Variants in FOXP2 observed in about 807,000 individuals in gnomAD.
The protein encoded by FOXP2 is forkhead box P2.
A neutral mutation model predicts 115.8 loss-of-function variants in FOXP2; 12 were observed. That is an observed-to-expected ratio of 0.10 (90% CI 0.07 to 0.17). The LOEUF is 0.17. Among genes scored for constraint, FOXP2 ranks in the 10% least tolerant of loss-of-function variants. FOXP2 has a pLI of 1.00. For synonymous variants in FOXP2, 328 were observed against 297.7 expected (o/e 1.10, Z -1.05); for missense variants, 629 against 843.5 (o/e 0.75, Z 3.15).
intron 2 of FOXP2, among the ~76,000 whole-genome samples, chr7:114,503,216 T>A (rs1324748881): frequency 3.3e-5 from 5 of 151,912 alleles, no homozygotes; most frequent in Admixed American, 2.6e-4. Context: ...TTTCAATCAT[T>A]TTTTTGGTTC....
intron 1 of FOXP2, among the ~76,000 whole-genome samples, chr7:114,270,202 G>C (rs774291946): frequency 3.3e-5 from 5 of 152,072 alleles, no homozygotes; most frequent in Non-Finnish European, 7.4e-5. Context: ...ATATTTTGCA[G>C]TTTATTTATC....
At chr7:114,671,553 CT>C (rs1484035381) in intron 16 of FOXP2, among the ~76,000 whole-genome samples, 2 of 152,152 alleles carry the variant, frequency 1.3e-5, no homozygotes, top group East Asian at 3.8e-4. Flanking sequence ...GAACATACAA[CT>C]TCATTTGCAC....
At chr7:114,643,880 A>G (rs1805724265) in intron 7 of FOXP2, among the ~76,000 whole-genome samples, 1 of 152,196 alleles carries the variant, frequency 6.6e-6, no homozygotes, top group African/African-American at 2.4e-5. Context: ...TTGCCATAAC[A>G]AATTCTTTGT....
intron 1 of FOXP2, among the ~76,000 whole-genome samples, chr7:114,097,143 T>C (rs1339987734): frequency 6.6e-6 from 1 of 152,208 alleles, no homozygotes; most frequent in Non-Finnish European, 1.5e-5. Flanking sequence ...AATTAAAGAT[T>C]ATTTCCATAT....
At chr7:114,327,508 T>C (rs975256447) in intron 2 of FOXP2, among the ~76,000 whole-genome samples, 2 of 149,052 alleles carry the variant, frequency 1.3e-5, no homozygotes, top group Non-Finnish European at 3.0e-5. Flanking sequence ...TGTGTTTTCT[T>C]TTTTTTTTTT....
chr7:114,681,603 C>T (rs766472996), intron 16 of FOXP2, among the ~76,000 whole-genome samples: 49 of 152,200 alleles, frequency 3.2e-4, no homozygotes, highest in South Asian at 2.5e-3. Flanking sequence ...AATGATGGCT[C>T]CTCTACTTTG....
intron 3 of FOXP2, among the ~76,000 whole-genome samples, chr7:114,572,931 C>G (rs1453942015): frequency 2.6e-5 from 4 of 151,822 alleles, no homozygotes; most frequent in Non-Finnish European, 5.9e-5. Flanking sequence ...GTGTATTGGT[C>G]TTTCCAAAGG....
At chr7:114,162,787 G>T (rs530120695), upstream of FOXP2, among the ~76,000 whole-genome samples, 2 of 151,720 alleles carry the variant, frequency 1.3e-5, no homozygotes, top group African/African-American at 2.4e-5. Flanking sequence ...TTAAATACTA[G>T]ATTTATTTAT....
intron 2 of FOXP2, among the ~76,000 whole-genome samples, chr7:114,523,758 A>G (rs1175744182): frequency 6.6e-6 from 1 of 152,098 alleles, no homozygotes; most frequent in Admixed American, 6.6e-5. Context: ...TTTGCTATCC[A>G]TTAATAACCT....
At chr7:114,454,882 G>C (rs867338261) in intron 2 of FOXP2, among the ~76,000 whole-genome samples, 13 of 109,000 alleles carry the variant, frequency 1.2e-4, no homozygotes, top group East Asian at 9.6e-4. Flanking sequence ...GGTGGGGGGA[G>C]GGGGGAGGGA....
At chr7:114,390,512 T>TTTTATTTATTTATTTA (rs1191388413) in intron 2 of FOXP2, among the ~76,000 whole-genome samples, 140 of 40,310 alleles carry the variant, frequency 3.5e-3, no homozygotes, top group African/African-American at 8.3e-3. Context: ...CATACTTTTG[T>TTTTATTTATTTATTTA]TTTATTTATG....
intron 1 of FOXP2, among the ~76,000 whole-genome samples, chr7:114,249,456 C>T (rs1388520211): frequency 1.3e-5 from 2 of 151,838 alleles, no homozygotes; most frequent in Non-Finnish European, 2.9e-5. Flanking sequence ...TAAGTGAGAA[C>T]ATGTGGTGTT....
At chr7:114,184,342 A>T (rs1356678504) in intron 1 of FOXP2, among the ~76,000 whole-genome samples, 2 of 152,210 alleles carry the variant, frequency 1.3e-5, no homozygotes, top group Non-Finnish European at 2.9e-5. Context: ...CCTTGGCGGT[A>T]TGGCTCAGAG....
At chr7:114,537,843 A>T (rs1334807786) in intron 3 of FOXP2, among the ~76,000 whole-genome samples, 2 of 151,684 alleles carry the variant, frequency 1.3e-5, no homozygotes, top group Non-Finnish European at 3.0e-5. Context: ...ACATTGATTA[A>T]TGGCATATTG....
chr7:114,117,752 T>C (rs1791449325), intron 1 of FOXP2, among the ~76,000 whole-genome samples: 1 of 152,100 alleles, frequency 6.6e-6, no homozygotes, highest in Non-Finnish European at 1.5e-5. Context: ...TACCATCAAC[T>C]AGATAGCTTA....
At position 114,646,163 on chromosome 7, in the gene FOXP2, A is replaced by T. The variant is rs550492142; in HGVS notation, c.1094+1374A>T. 1.7e-3 allele frequency among the ~76,000 whole-genome samples: 260 copies of T among 151,396 alleles called. 1 individual carries two copies. The highest frequency in any genetic ancestry group is 6.2e-3 in the African/African-American group (257 of 41,354). On this transcript the variant is annotated intron_variant, in intron 8 of 16. Coordinates refer to ENST00000350908, the MANE Select transcript of FOXP2 (RefSeq NM_014491.4). The stretch of plus-strand genomic sequence containing the variant: ...TCCTCATGTGAATACATTAGTCCTT[A>T]TCAATGTATTATTCCTTGTCATTGA...
At chr7:114,430,110 G>A (rs979685464) in intron 2 of FOXP2, among the ~76,000 whole-genome samples, 1 of 151,492 alleles carries the variant, frequency 6.6e-6, no homozygotes, top group East Asian at 1.9e-4. Flanking sequence ...TGACATATGA[G>A]TAAATAATAG....
intron 12 of FOXP2, 47 bp from the exon 13 acceptor site, chr7:114,659,525 T>C: frequency 6.3e-7 from 1 of 1,584,548 alleles, no homozygotes; most frequent in Non-Finnish European, 8.7e-7. Context: ...TCTAGTCTAG[T>C]TAGTAAACCA....
At position 114,659,706 on chromosome 7, in the gene FOXP2, A is replaced by G. The variant is rs770460051; in HGVS notation, c.1647+33A>G. 4 of 1,506,970 alleles carry G rather than the reference A, an allele frequency of 2.7e-6. No homozygotes were observed. In the African/African-American group the frequency reaches 5.5e-5, roughly 21 times the overall value. 93.3% of individuals were successfully genotyped at this position (1,506,970 alleles called of 1,614,324 possible). Reference sequence around the variant, plus strand: ...CTTTTCCAGCAGTTTTAAGATGCCTACCACAGTTCCTTACAGATAGCACAA... The same window carrying G: ...CTTTTCCAGCAGTTTTAAGATGCCTGCCACAGTTCCTTACAGATAGCACAA... On this transcript the variant is annotated intron_variant, in intron 13 of 16. Coordinates refer to ENST00000350908, the MANE Select transcript of FOXP2 (RefSeq NM_014491.4).
Sources: allele counts gnomAD v4.1 joint callset (sites outside exome capture counted in the v4.1 genomes callset), GRCh38; gene constraint gnomAD v4.1.1; transcripts MANE v1.5; gene names NCBI Gene and HGNC (gene_info 2026-07-23, HGNC 2026-07-21).